Variants in ZBTB7C observed in about 807,000 individuals in gnomAD.
The protein encoded by ZBTB7C is zinc finger and BTB domain-containing protein 7C.
Under a neutral mutation model 25.7 loss-of-function variants are expected in ZBTB7C, and 8 were observed. The observed-to-expected ratio is 0.31, with a 90% CI of 0.18 to 0.56. The LOEUF is 0.56. ZBTB7C is among the 20% of genes least tolerant of loss of function. The pLI is 0.91. For synonymous variants in ZBTB7C, 394 were observed against 369.0 expected (o/e 1.07, Z -0.78); for missense variants, 824 against 855.2 (o/e 0.96, Z 0.46).
intron 2 of ZBTB7C, among the ~76,000 whole-genome samples, chr18:48,304,692 T>C (rs770721284): frequency 5.3e-5 from 8 of 151,436 alleles, no homozygotes; most frequent in Non-Finnish European, 7.4e-5. Context: ...AGTACAAAAC[T>C]TAGCTTGCCA....
At chr18:48,119,496 C>A (rs903185727) in intron 3 of ZBTB7C, among the ~76,000 whole-genome samples, 1 of 152,258 alleles carries the variant, frequency 6.6e-6, no homozygotes, top group African/African-American at 2.4e-5. Context: ...CATTTTCCAA[C>A]AAAGTGCACT....
chr18:48,344,474 G>A (rs973313286), intron 1 of ZBTB7C, among the ~76,000 whole-genome samples: 1 of 152,134 alleles, frequency 6.6e-6, no homozygotes, highest in Non-Finnish European at 1.5e-5. Context: ...CTGCAGAGTG[G>A]AGGACGTCCT....
At chr18:48,408,975 C>G (rs2048345548) in intron 1 of ZBTB7C, among the ~76,000 whole-genome samples, 1 of 151,020 alleles carries the variant, frequency 6.6e-6, no homozygotes, top group Non-Finnish European at 1.5e-5. Context: ...CGCACGGAGC[C>G]CCTGAATAGC....
At chr18:48,367,175 T>TTATATATATA (rs71165321) in intron 1 of ZBTB7C, among the ~76,000 whole-genome samples, 1,750 of 61,716 alleles carry the variant, frequency 0.028, 45 homozygotes, top group Non-Finnish European at 0.04. Flanking sequence ...TCCCCAAGTT[T>TTATATATATA]TATATATATA....
intron 1 of ZBTB7C, among the ~76,000 whole-genome samples, chr18:48,381,531 G>A (rs2047633306): frequency 6.6e-6 from 1 of 152,180 alleles, no homozygotes; most frequent in Non-Finnish European, 1.5e-5. Context: ...CAGAGATACT[G>A]GATGGCTTAC....
chr18:48,068,217 C>A (rs535859522), intron 3 of ZBTB7C, among the ~76,000 whole-genome samples: 1 of 149,704 alleles, frequency 6.7e-6, no homozygotes, highest in South Asian at 2.1e-4. Context: ...CGGCTCACTG[C>A]AGGCTCCGCC....
At chr18:48,278,156 G>A (rs1414796181) in intron 2 of ZBTB7C, among the ~76,000 whole-genome samples, 3 of 152,210 alleles carry the variant, frequency 2.0e-5, no homozygotes, top group South Asian at 2.1e-4. Flanking sequence ...TGGGCTTGAC[G>A]TGATCTTGCA....
chr18:48,332,673 C>CTTTTTT (rs58216606), intron 2 of ZBTB7C, among the ~76,000 whole-genome samples: 16 of 85,698 alleles, frequency 1.9e-4, no homozygotes, highest in African/African-American at 2.3e-4. Context: ...CTCTCCTTTG[C>CTTTTTT]TTTTTTTTTT....
At chr18:48,217,372 G>A (rs2042849413) in intron 2 of ZBTB7C, among the ~76,000 whole-genome samples, 1 of 152,130 alleles carries the variant, frequency 6.6e-6, no homozygotes, top group African/African-American at 2.4e-5. Flanking sequence ...ATCTGACCCT[G>A]TCACTCCCAG....
At chr18:48,345,394 C>G (rs994225686) in intron 1 of ZBTB7C, among the ~76,000 whole-genome samples, 1 of 152,182 alleles carries the variant, frequency 6.6e-6, no homozygotes, top group African/African-American at 2.4e-5. Flanking sequence ...ACCTTTCAAA[C>G]TGGTTTCTGA....
intron 2 of ZBTB7C, among the ~76,000 whole-genome samples, chr18:48,325,383 T>C (rs1264967387): frequency 1.3e-5 from 2 of 152,240 alleles, no homozygotes; most frequent in Non-Finnish European, 2.9e-5. Flanking sequence ...TGGTGGCAGT[T>C]GGCCATTGCA....
At chr18:48,033,624 A>G (rs2035851649) in intron 4 of ZBTB7C, among the ~76,000 whole-genome samples, 1 of 152,248 alleles carries the variant, frequency 6.6e-6, no homozygotes, top group African/African-American at 2.4e-5. Context: ...CTAGTTTACC[A>G]GGCATACTTT....
chr18:48,086,144 C>T (rs2038181346), intron 3 of ZBTB7C, among the ~76,000 whole-genome samples: 1 of 152,226 alleles, frequency 6.6e-6, no homozygotes, highest in African/African-American at 2.4e-5. Context: ...TGCCTGCTTC[C>T]TGGGCTTTTC....
At chr18:48,069,945 G>A (rs1186456993) in intron 3 of ZBTB7C, among the ~76,000 whole-genome samples, 3 of 152,150 alleles carry the variant, frequency 2.0e-5, no homozygotes, top group African/African-American at 2.4e-5. Context: ...GGCTCTTTAT[G>A]TACATGCTGT....
chr18:48,310,089 G>A (rs1472855308), intron 2 of ZBTB7C, among the ~76,000 whole-genome samples: 23 of 152,140 alleles, frequency 1.5e-4, no homozygotes, highest in Non-Finnish European at 7.4e-5. Context: ...AATTAGCTGG[G>A]CATGGTGGCA....
intron 2 of ZBTB7C, among the ~76,000 whole-genome samples, chr18:48,227,061 A>G (rs2043121439): frequency 6.6e-6 from 1 of 151,746 alleles, no homozygotes; most frequent in African/African-American, 2.4e-5. Context: ...GAAAAAAAAA[A>G]GAGTTAGCTA....
At chr18:48,214,279 T>C (rs1453859627) in intron 2 of ZBTB7C, among the ~76,000 whole-genome samples, 2 of 152,168 alleles carry the variant, frequency 1.3e-5, no homozygotes, top group Admixed American at 6.5e-5. Context: ...CTGTCTCCAA[T>C]AAACATAAAT....
At chr18:48,219,599 G>A (rs1029612554) in intron 2 of ZBTB7C, among the ~76,000 whole-genome samples, 4 of 152,204 alleles carry the variant, frequency 2.6e-5, no homozygotes, top group African/African-American at 9.7e-5. Context: ...GCCACACTCA[G>A]GCATTGACAA....
At chr18:48,366,975 C>T (rs934203584) in intron 1 of ZBTB7C, among the ~76,000 whole-genome samples, 1 of 151,800 alleles carries the variant, frequency 6.6e-6, no homozygotes, top group African/African-American at 2.4e-5. Flanking sequence ...GCTAAAGGAA[C>T]CATGTGACTA....
Sources: allele counts gnomAD v4.1 joint callset (sites outside exome capture counted in the v4.1 genomes callset), GRCh38; gene constraint gnomAD v4.1.1; transcripts MANE v1.5; gene names NCBI Gene and HGNC (gene_info 2026-07-23, HGNC 2026-07-21).